The following SEMA3A variants were observed in gnomAD, a reference collection of about 807,000 sequenced individuals.
SEMA3A encodes semaphorin 3A, also known as semaphorin-3A.
Under a neutral mutation model 97.9 loss-of-function variants are expected in SEMA3A, and 29 were observed. The observed-to-expected ratio is 0.30, with a 90% CI of 0.22 to 0.40. The LOEUF is 0.40. SEMA3A is among the 10% of genes least tolerant of loss of function. The probability of loss-of-function intolerance (pLI) is 1.00; values close to 1 mark genes in which losing one functional copy is unlikely to be tolerated. For synonymous variants in SEMA3A, 321 were observed against 323.7 expected, an observed-to-expected ratio of 0.99 and a Z score of 0.09; for missense variants, 763 against 951.3, an observed-to-expected ratio of 0.80 and a Z score of 2.60.
intron 2 of SEMA3A, among the ~76,000 whole-genome samples, chr7:84,355,457 G>T (rs1802534857): frequency 6.6e-6 from 1 of 151,758 alleles, no homozygotes; most frequent in Non-Finnish European, 1.5e-5. Flanking sequence ...ACACATAATT[G>T]TATCCTTTAG....
At chr7:84,244,652 C>A (rs926807021) in intron 3 of SEMA3A, among the ~76,000 whole-genome samples, 1 of 152,058 alleles carries the variant, frequency 6.6e-6, no homozygotes, top group African/African-American at 2.4e-5. Flanking sequence ...GGTTATTTTG[C>A]CCATTAGTTG....
intron 4 of SEMA3A, among the ~76,000 whole-genome samples, chr7:84,106,409 A>G (rs1015974468): frequency 9.2e-5 from 14 of 152,148 alleles, no homozygotes; most frequent in Admixed American, 7.9e-4. Context: ...CATGTAGCCT[A>G]GGTATATAGT....
intron 2 of SEMA3A, among the ~76,000 whole-genome samples, chr7:84,317,844 ATC>A (rs1801545450): frequency 6.6e-6 from 1 of 152,206 alleles, no homozygotes; most frequent in South Asian, 2.1e-4. Context: ...TATTAAAAAT[ATC>A]TGATTTCTGG....
chr7:84,424,044 G>T (rs1024433115), intron 1 of SEMA3A, among the ~76,000 whole-genome samples: 3 of 151,720 alleles, frequency 2.0e-5, no homozygotes, highest in African/African-American at 7.3e-5. Context: ...CTGCAGGTGG[G>T]AATATAAATT....
chr7:84,096,322 G>A (rs1334831115), intron 4 of SEMA3A, among the ~76,000 whole-genome samples: 3 of 152,014 alleles, frequency 2.0e-5, no homozygotes, highest in Non-Finnish European at 2.9e-5. Context: ...TAGAGAAGCT[G>A]TACAGTAACT....
At chr7:84,295,730 T>C (rs1204850146) in intron 3 of SEMA3A, among the ~76,000 whole-genome samples, 1 of 152,110 alleles carries the variant, frequency 6.6e-6, no homozygotes. Context: ...GTTTAAAAAA[T>C]GATTGTTTTT....
chr7:83,994,667 G>GCCC (rs1186688869), intron 12 of SEMA3A, among the ~76,000 whole-genome samples: 2 of 148,050 alleles, frequency 1.4e-5, no homozygotes, highest in East Asian at 4.3e-4. Flanking sequence ...GAGGCAGTCT[G>GCCC]CCCGTTCTCA....
intron 4 of SEMA3A, among the ~76,000 whole-genome samples, chr7:84,094,580 T>G (rs189920523): frequency 6.6e-6 from 1 of 152,136 alleles, no homozygotes; most frequent in Non-Finnish European, 1.5e-5. Flanking sequence ...AGATATAAGA[T>G]TGGGAACTGC....
intron 3 of SEMA3A, among the ~76,000 whole-genome samples, chr7:84,204,896 T>A (rs760708969): frequency 1.4e-4 from 22 of 152,178 alleles, no homozygotes; most frequent in Non-Finnish European, 2.9e-4. Flanking sequence ...ACTTCACAAA[T>A]TGCTGGTGAC....
chr7:84,401,059 A>G (rs1212898824), intron 1 of SEMA3A, among the ~76,000 whole-genome samples: 1 of 152,186 alleles, frequency 6.6e-6, no homozygotes. Flanking sequence ...GGCATTAGAA[A>G]TTAGGAAGGA....
intron 1 of SEMA3A, among the ~76,000 whole-genome samples, chr7:84,409,349 T>A (rs1045382294): frequency 3.3e-5 from 5 of 151,924 alleles, no homozygotes; most frequent in South Asian, 4.1e-4. Context: ...AATAAAAAAA[T>A]TATAGTTATA....
At chr7:84,173,430 A>T (rs1797456197) in intron 1 of SEMA3A, among the ~76,000 whole-genome samples, 1 of 151,932 alleles carries the variant, frequency 6.6e-6, no homozygotes, top group Non-Finnish European at 1.5e-5. Flanking sequence ...GTGGTGGCGC[A>T]TGCCTTTAAT....
intron 2 of SEMA3A, among the ~76,000 whole-genome samples, chr7:84,338,621 G>A (rs1802092351): frequency 6.6e-6 from 1 of 152,114 alleles, no homozygotes; most frequent in African/African-American, 2.4e-5. Context: ...GTTTGGCACA[G>A]AGATTAGGCA....
At chr7:84,418,754 C>A (rs1300135189) in intron 1 of SEMA3A, among the ~76,000 whole-genome samples, 2 of 151,956 alleles carry the variant, frequency 1.3e-5, no homozygotes, top group Admixed American at 1.3e-4. Context: ...GCTGCACTGT[C>A]AACTTCCCTG....
chr7:84,316,261 G>A (rs1004802146), intron 2 of SEMA3A, among the ~76,000 whole-genome samples: 73 of 150,512 alleles, frequency 4.9e-4, no homozygotes, highest in Middle Eastern at 7.1e-3. Flanking sequence ...AAAGACCACT[G>A]GTTAATTTAT....
chr7:84,128,856 G>A (rs1038532048), intron 3 of SEMA3A, among the ~76,000 whole-genome samples: 1 of 151,984 alleles, frequency 6.6e-6, no homozygotes, highest in Non-Finnish European at 1.5e-5. Flanking sequence ...CATTCAAAAT[G>A]CAGACACACA....
chr7:84,174,770 A>G (rs558489955), intron 1 of SEMA3A, among the ~76,000 whole-genome samples: 4 of 152,296 alleles, frequency 2.6e-5, no homozygotes, highest in East Asian at 3.9e-4. Flanking sequence ...CTAATTGTTC[A>G]TCTTTATATG....
At chr7:84,194,210 A>C (rs1463176757) in intron 1 of SEMA3A, among the ~76,000 whole-genome samples, 1 of 152,192 alleles carries the variant, frequency 6.6e-6, no homozygotes, top group African/African-American at 2.4e-5. Flanking sequence ...AATAAGATAT[A>C]CAGATCAGCG....
chr7:84,066,842 C>T (rs186299800), intron 4 of SEMA3A, among the ~76,000 whole-genome samples: 1 of 152,102 alleles, frequency 6.6e-6, no homozygotes, highest in African/African-American at 2.4e-5. Flanking sequence ...AATGGCCATA[C>T]TGCCCAAGGT....
Sources: gnomAD v4.1 joint callset for allele counts (sites outside exome capture counted in the v4.1 genomes callset) on GRCh38, gnomAD v4.1.1 for gene constraint, MANE v1.5 for transcripts, NCBI Gene and HGNC (gene_info 2026-07-23, HGNC 2026-07-21) for gene names.